Variants in AK4 observed in about 807,000 individuals in gnomAD.
AK4 encodes adenylate kinase 4, mitochondrial.
In AK4, 13 loss-of-function variants were observed where a neutral mutation model predicts 24.6. The observed-to-expected ratio is 0.53, with a 90% CI of 0.34 to 0.84. AK4 has a LOEUF of 0.84. Among genes scored for constraint, AK4 ranks in the 40% least tolerant of loss-of-function variants. AK4 has a pLI of 0.01. For missense variants in AK4, 192 were observed against 288.2 expected (o/e 0.67, Z 2.42); for synonymous variants, 88 against 107.0 (o/e 0.82, Z 1.10).
At chr1:65,173,084 G>A (rs912997577) in intron 1 of AK4, among the ~76,000 whole-genome samples, 10 of 152,142 alleles carry the variant, frequency 6.6e-5, no homozygotes, top group Admixed American at 2.0e-4. Context: ...GGCTGGTCTT[G>A]AATGCCTGAC....
At chr1:65,196,178 C>T (rs542267859) in intron 2 of AK4, among the ~76,000 whole-genome samples, 8 of 152,202 alleles carry the variant, frequency 5.3e-5, no homozygotes, top group South Asian at 2.1e-4. Flanking sequence ...CTGCGGAGGA[C>T]GTGCCTGTTG....
rs1421614252 is a variant in AK4, at chr1:65,169,891, G to T, written c.146-20819G>T. 2.0e-5 allele frequency among the ~76,000 whole-genome samples: 3 copies of T among 152,198 alleles called. No individual in the cohort carries two copies. The East Asian group carries it at 5.8e-4, about 29-fold the overall frequency. ...GGTCATTAGTTGTTCGGTTTTGTGT[G>T]TGTGTGTGGCCCCTCACTCACTCCC... On this transcript the variant is annotated intron_variant, in intron 1 of 4. Coordinates refer to ENST00000327299, the MANE Select transcript of AK4 (RefSeq NM_013410.4).
rs185458033 is a variant in AK4 at position 65,205,718 on chromosome 1, T to C, written c.266-13036T>C. On this transcript the variant is annotated intron_variant, in intron 2 of 4. Transcript: ENST00000327299. ...CTTTCAGGGAAGTTTTCCTGTGTTA[T>C]ATCCTTTTTGTCATTTGTTCAGATT... 2.0e-3 allele frequency among the ~76,000 whole-genome samples: 298 copies of C among 152,362 alleles called. 1 individual carries two copies. The highest frequency in any genetic ancestry group is 3.7e-3 in the Non-Finnish European group (253 of 68,030).
chr1:65,190,445 T>C (rs1467604310), intron 1 of AK4, among the ~76,000 whole-genome samples: 1 of 130,536 alleles, frequency 7.7e-6, no homozygotes, highest in Non-Finnish European at 1.7e-5. Context: ...TTTCTTCCTT[T>C]TTTTGGGGGG....
chr1:65,209,063 A>G, intron 2 of AK4, among the ~76,000 whole-genome samples: 1 of 152,246 alleles, frequency 6.6e-6, no homozygotes, highest in Admixed American at 6.5e-5. Context: ...TCTGGAAGAA[A>G]TTTAAAAATA....
At chr1:65,152,360 C>CTCTCTCTCTATA (rs1277948363) in intron 1 of AK4, among the ~76,000 whole-genome samples, 5 of 27,956 alleles carry the variant, frequency 1.8e-4, no homozygotes, top group African/African-American at 3.3e-4. Context: ...CTCTCTCTCT[C>CTCTCTCTCTATA]TATATATATA....
chr1:65,215,468 G>A (rs576728709), intron 2 of AK4, among the ~76,000 whole-genome samples: 356 of 152,232 alleles, frequency 2.3e-3, no homozygotes, highest in Non-Finnish European at 4.4e-3. Flanking sequence ...CACCATGTCC[G>A]ACCCTGATTT....
At chr1:65,165,542 C>T (rs72677676) in intron 1 of AK4, among the ~76,000 whole-genome samples, 3 of 146,328 alleles carry the variant, frequency 2.1e-5, no homozygotes, top group African/African-American at 7.7e-5. Context: ...CTAGGCAACA[C>T]AGGGAGATCC....
In AK4 at chr1:65,215,266, G is replaced by T. The variant is rs1652097574; in HGVS notation, c.266-3488G>T. ...TACTCACTGCAATCTCCGCCTCCCG[G>T]GTTTCATTGATTCTCCTGCCTTAGC... is the stretch of plus-strand genomic sequence containing the variant. On this transcript the variant is annotated intron_variant, in intron 2 of 4. Coordinates refer to ENST00000327299, the MANE Select transcript of AK4 (RefSeq NM_013410.4). 2.0e-5 allele frequency among the ~76,000 whole-genome samples: 3 copies of T among 151,756 alleles called. No individual in the cohort carries two copies. In the South Asian group the frequency reaches 6.2e-4, roughly 31 times the overall value.
intron 1 of AK4, among the ~76,000 whole-genome samples, chr1:65,181,446 G>C (rs1427230383): frequency 1.3e-5 from 2 of 151,310 alleles, no homozygotes; most frequent in Non-Finnish European, 2.9e-5. Flanking sequence ...GCCCAGACTG[G>C]AATGCAATGG....
intron 1 of AK4, among the ~76,000 whole-genome samples, chr1:65,175,152 G>A (rs994991986): frequency 2.0e-5 from 3 of 152,162 alleles, no homozygotes; most frequent in Admixed American, 6.5e-5. Flanking sequence ...CACTGGTATC[G>A]TTGTTCTTGC....
chr1:65,198,294 C>G (rs557053561), intron 2 of AK4, among the ~76,000 whole-genome samples: 207 of 152,180 alleles, frequency 1.4e-3, no homozygotes, highest in Non-Finnish European at 2.3e-3. Flanking sequence ...CTATGCCTGC[C>G]AAATGTGGAT....
intron 1 of AK4, among the ~76,000 whole-genome samples, chr1:65,164,687 T>C (rs1027338505): frequency 2.6e-5 from 4 of 152,232 alleles, no homozygotes; most frequent in Non-Finnish European, 4.4e-5. Context: ...ACAAATATTT[T>C]CTCCTATCCT....
At chr1:65,216,364 T>TCCA (rs1652130919) in intron 2 of AK4, among the ~76,000 whole-genome samples, 1 of 152,174 alleles carries the variant, frequency 6.6e-6, no homozygotes, top group Admixed American at 6.5e-5. Flanking sequence ...CCTCAAGTGA[T>TCCA]CCACCGGCCT....
At chr1:65,151,592 C>G (rs12404018) in intron 1 of AK4, among the ~76,000 whole-genome samples, 12,420 of 152,200 alleles carry the variant, frequency 0.082, 694 homozygotes, top group Admixed American at 0.21. Flanking sequence ...AATTTCCACT[C>G]TGAAACTTGG....
chr1:65,158,684 T>A (rs1337986408), intron 1 of AK4, among the ~76,000 whole-genome samples: 1 of 152,148 alleles, frequency 6.6e-6, no homozygotes, highest in Non-Finnish European at 1.5e-5. Context: ...TTTTTGCATT[T>A]TTAGTGGAGA....
chr1:65,220,776 C>T (rs559350402), intron 3 of AK4, among the ~76,000 whole-genome samples: 39 of 152,278 alleles, frequency 2.6e-4, no homozygotes, highest in Middle Eastern at 6.8e-3. Context: ...GCGCATGGCC[C>T]TGAAAGTATT....
At chr1:65,217,868 A>G (rs1054875009) in intron 2 of AK4, among the ~76,000 whole-genome samples, 2 of 152,204 alleles carry the variant, frequency 1.3e-5, no homozygotes, top group Middle Eastern at 3.2e-3. Flanking sequence ...AACAATTTCA[A>G]ATTTTTTCCA....
intron 2 of AK4, among the ~76,000 whole-genome samples, chr1:65,211,643 A>T (rs1227480181): frequency 6.6e-6 from 1 of 152,236 alleles, no homozygotes; most frequent in African/African-American, 2.4e-5. Flanking sequence ...TACCTGACAG[A>T]ATTATTGTTA....
Sources: allele counts gnomAD v4.1 joint callset (sites outside exome capture counted in the v4.1 genomes callset), GRCh38; gene constraint gnomAD v4.1.1; transcripts MANE v1.5; gene names NCBI Gene and HGNC (gene_info 2026-07-23, HGNC 2026-07-21).